Variants in PPM1D observed in about 807,000 individuals in gnomAD.
The protein encoded by PPM1D is protein phosphatase 1D.
In PPM1D, 52 loss-of-function variants were observed where a neutral mutation model predicts 58.3. That is an observed-to-expected ratio of 0.89 (90% CI 0.71 to 1.12). PPM1D has a LOEUF of 1.12. Among genes scored for constraint, PPM1D ranks in the 50% most tolerant of loss-of-function variants. The probability of loss-of-function intolerance (pLI) is 0.00; values close to 1 mark genes in which losing one functional copy is unlikely to be tolerated. For missense variants in PPM1D, 564 were observed against 777.2 expected (o/e 0.73, Z 3.26); for synonymous variants, 278 against 285.1 (o/e 0.98, Z 0.25).
At chr17:60,640,588 A>G (rs1004815081) in intron 3 of PPM1D, among the ~76,000 whole-genome samples, 3 of 152,096 alleles carry the variant, frequency 2.0e-5, no homozygotes, top group Admixed American at 2.0e-4. Flanking sequence ...GGTTTGTTAC[A>G]TGGGTATATT....
chr17:60,622,867 C>T (rs550080541), intron 1 of PPM1D, among the ~76,000 whole-genome samples: 42 of 152,300 alleles, frequency 2.8e-4, no homozygotes, highest in African/African-American at 9.9e-4. Flanking sequence ...GAGGCCGAAG[C>T]GGGTGGATCA....
intron 2 of PPM1D, among the ~76,000 whole-genome samples, chr17:60,624,074 C>G (rs1364895528): frequency 6.6e-6 from 1 of 152,152 alleles, no homozygotes; most frequent in African/African-American, 2.4e-5. Context: ...GAGTAGAACA[C>G]TTTGAATCTG....
intron 2 of PPM1D, among the ~76,000 whole-genome samples, chr17:60,624,817 C>T (rs966163520): frequency 2.0e-5 from 3 of 151,074 alleles, no homozygotes; most frequent in East Asian, 4.0e-4. Flanking sequence ...CATCCTTAAA[C>T]TATAAGGAGT....
At chr17:60,616,287 C>CAAA (rs540660869) in intron 1 of PPM1D, among the ~76,000 whole-genome samples, 3 of 70,450 alleles carry the variant, frequency 4.3e-5, no homozygotes, top group African/African-American at 1.3e-4. Flanking sequence ...GGCTCTGTCT[C>CAAA]AAAAAAAAAA....
chr17:60,658,906 G>A (rs186605432), intron 5 of PPM1D, among the ~76,000 whole-genome samples: 11 of 152,270 alleles, frequency 7.2e-5, no homozygotes, highest in African/African-American at 2.6e-4. Flanking sequence ...GTTGCAGTGA[G>A]CTGAGATCGC....
rs745943359 is a variant in PPM1D at position 60,633,973 on chromosome 17, A to C, written c.822A>C (p.Ala274=). ...DQIPFLAVAR[A]LGDLWSYDFF... ...TTCCTTTTCTGGCAGTAGCAAGAGCACTTGGTAAGTAGGACTTAATTTGGT... is the reference window on the plus strand; with the variant it reads ...TTCCTTTTCTGGCAGTAGCAAGAGCCCTTGGTAAGTAGGACTTAATTTGGT... The change falls in exon 3 of 6, where the codon GCA becomes GCC. Residue 274 remains alanine, a synonymous_variant. Coordinates refer to ENST00000305921, the MANE Select transcript of PPM1D (RefSeq NM_003620.4). The C allele has an allele frequency of 1.2e-6, 2 of 1,612,828 alleles. No individual in the cohort carries two copies. Among genetic ancestry groups the C allele is most frequent in the African/African-American group, 2.7e-5 (2 of 74,902 alleles).
chr17:60,629,977 T>A (rs1231166291), intron 2 of PPM1D, among the ~76,000 whole-genome samples: 1 of 152,040 alleles, frequency 6.6e-6, no homozygotes, highest in African/African-American at 2.4e-5. Flanking sequence ...GAGGCAGAGG[T>A]TGCAGTGAGC....
chr17:60,602,779 G>GA (rs34932283), intron 1 of PPM1D, among the ~76,000 whole-genome samples: 77 of 95,718 alleles, frequency 8.0e-4, no homozygotes, highest in South Asian at 3.7e-3. Flanking sequence ...CTCAAAGCTT[G>GA]AAAAAAAAAA....
chr17:60,626,094 G>T lies in PPM1D; in HGVS notation c.701+2345G>T, dbSNP rs546877850. On this transcript the variant is annotated intron_variant, in intron 2 of 5. Coordinates refer to ENST00000305921, the MANE Select transcript of PPM1D (RefSeq NM_003620.4). ...TATTTTAATCAGTCTCCTATTGAAG[G>T]ATTTTTATTTCTAATTTTTTTTTGT... Among the ~76,000 whole-genome samples, 6 of 152,224 alleles carry T rather than the reference G, an allele frequency of 3.9e-5. No homozygotes were observed. In the South Asian group the frequency reaches 1.2e-3, roughly 32 times the overall value.
intron 1 of PPM1D, among the ~76,000 whole-genome samples, chr17:60,621,563 AT>A (rs775950363): frequency 0.056 from 5,359 of 96,030 alleles, 202 homozygotes; most frequent in African/African-American, 0.17. Context: ...TATTTTTTGT[AT>A]TTTTTTTTTT....
chr17:60,656,927 T>G (rs760798167), intron 5 of PPM1D, 86 bp downstream of exon 5: 2 of 1,603,088 alleles, frequency 1.2e-6, no homozygotes, highest in African/African-American at 2.7e-5. Context: ...TTTAAATTCT[T>G]ACAGGATTTT....
rs891887706 is a variant in PPM1D at position 60,642,786 on chromosome 17, G to C, written c.827-5106G>C. Among the ~76,000 whole-genome samples, 3 of 152,216 alleles carry C rather than the reference G, an allele frequency of 2.0e-5. No homozygotes were observed. In the East Asian group the frequency reaches 5.9e-4, roughly 30 times the overall value. On this transcript the variant is annotated intron_variant, in intron 3 of 5. Coordinates refer to ENST00000305921, the MANE Select transcript of PPM1D (RefSeq NM_003620.4). ...AACTCTTCTTTAAAAAAGATTTTCA[G>C]CCGGGCACGGTGGCTTATGCCTGTA...
chr17:60,620,470 C>T (rs1461192672), intron 1 of PPM1D, among the ~76,000 whole-genome samples: 1 of 152,180 alleles, frequency 6.6e-6, no homozygotes, highest in Non-Finnish European at 1.5e-5. Flanking sequence ...GTGCAGAAGC[C>T]TTTTAGTTTG....
chr17:60,645,562 G>A lies in PPM1D; in HGVS notation c.827-2330G>A, dbSNP rs200991181. ...TATATATATGTATATATATGTGTGT[G>A]TATATATATGTATATATATATGTGT... On this transcript the variant is annotated intron_variant, in intron 3 of 5. Coordinates refer to ENST00000305921, the MANE Select transcript of PPM1D (RefSeq NM_003620.4). Among the ~76,000 whole-genome samples the A allele has an allele frequency of 6.1e-4, 81 of 132,602 alleles. 1 individual carries two copies. Among genetic ancestry groups the A allele is most frequent in the African/African-American group, 2.1e-3 (67 of 32,304 alleles). The allele number at this position is 132,602 out of a possible 152,430, so 87.0% of individuals were successfully genotyped here.
At chr17:60,619,869 A>G (rs1209711671) in intron 1 of PPM1D, among the ~76,000 whole-genome samples, 5 of 151,918 alleles carry the variant, frequency 3.3e-5, no homozygotes, top group African/African-American at 1.2e-4. Context: ...TTTTGATTTG[A>G]ATTTCCGTCA....
intron 1 of PPM1D, among the ~76,000 whole-genome samples, chr17:60,601,559 AGGGTGTGCGTT>A (rs777631741): frequency 1.5e-4 from 23 of 152,158 alleles, no homozygotes; most frequent in Non-Finnish European, 3.1e-4. Context: ...CCCCGTGTTA[AGGGTGTGCGTT>A]AGATTCTGCT....
At chr17:60,643,659 G>A (rs1269011423) in intron 3 of PPM1D, among the ~76,000 whole-genome samples, 1 of 152,016 alleles carries the variant, frequency 6.6e-6, no homozygotes, top group Non-Finnish European at 1.5e-5. Context: ...CCAGTAGATA[G>A]CACTTTAACC....
intron 1 of PPM1D, among the ~76,000 whole-genome samples, chr17:60,607,453 T>G (rs1265232047): frequency 2.0e-5 from 3 of 152,142 alleles, no homozygotes; most frequent in Non-Finnish European, 4.4e-5. Flanking sequence ...CAGCTAATTT[T>G]GTATTTTCAG....
At chr17:60,602,656 C>T (rs1388830520) in intron 1 of PPM1D, among the ~76,000 whole-genome samples, 1 of 151,586 alleles carries the variant, frequency 6.6e-6, no homozygotes, top group Non-Finnish European at 1.5e-5. Flanking sequence ...GTTTTACATA[C>T]ACAGACTTTT....
Sources: gnomAD v4.1 joint callset for allele counts (sites outside exome capture counted in the v4.1 genomes callset) on GRCh38, gnomAD v4.1.1 for gene constraint, MANE v1.5 for transcripts, NCBI Gene and HGNC (gene_info 2026-07-23, HGNC 2026-07-21) for gene names.